Variants in SLC22A23 observed in about 807,000 individuals in gnomAD.
SLC22A23 encodes the protein ion transporter protein.
In SLC22A23, 26 loss-of-function variants were observed where a neutral mutation model predicts 61.0. That is an observed-to-expected ratio of 0.43 (90% CI 0.31 to 0.59). SLC22A23 has a LOEUF of 0.59. SLC22A23 is among the 20% of genes least tolerant of loss of function. The pLI is 0.11. For synonymous variants in SLC22A23, 430 were observed against 413.9 expected, an observed-to-expected ratio of 1.04 and a Z score of -0.47; for missense variants, 796 against 934.7, an observed-to-expected ratio of 0.85 and a Z score of 1.94.
At chr6:3,326,095 T>C (rs967028342) in intron 3 of SLC22A23, among the ~76,000 whole-genome samples, 1 of 152,246 alleles carries the variant, frequency 6.6e-6, no homozygotes, top group Non-Finnish European at 1.5e-5. Flanking sequence ...ATGAGGCCAC[T>C]TCCCAGACCA....
At chr6:3,368,286 C>T (rs1216810381) in intron 3 of SLC22A23, among the ~76,000 whole-genome samples, 1 of 152,242 alleles carries the variant, frequency 6.6e-6, no homozygotes, top group Non-Finnish European at 1.5e-5. Context: ...CCGCGAGGCC[C>T]TTGCACCCCA....
At chr6:3,356,780 C>T (rs1423803456) in intron 3 of SLC22A23, among the ~76,000 whole-genome samples, 2 of 152,136 alleles carry the variant, frequency 1.3e-5, no homozygotes, top group East Asian at 3.9e-4. Context: ...CGCTCAAGCC[C>T]TTCAGAGCAT....
chr6:3,365,411 T>C (rs1674293356), intron 3 of SLC22A23, among the ~76,000 whole-genome samples: 1 of 151,956 alleles, frequency 6.6e-6, no homozygotes, highest in Non-Finnish European at 1.5e-5. Context: ...AACACAGGAG[T>C]AGACTACAGT....
rs140607635 is a variant in SLC22A23, at chr6:3,399,190, T to C, written c.913+10998A>G. On this transcript the variant is annotated intron_variant, in intron 3 of 9. Coordinates refer to ENST00000406686, the MANE Select transcript of SLC22A23 (RefSeq NM_015482.2). ...AGGCCTGGCGGCTGGACTTGGGAAG[T>C]TGTTCACCATGCAGAGGAAACGCCT... Among the ~76,000 whole-genome samples, 9 of 152,198 alleles carry C rather than the reference T, an allele frequency of 5.9e-5. No homozygotes were observed. The East Asian group carries it at 1.7e-3, about 29-fold the overall frequency.
intron 3 of SLC22A23, among the ~76,000 whole-genome samples, chr6:3,397,169 A>G (rs1321167008): frequency 6.6e-6 from 1 of 152,200 alleles, no homozygotes; most frequent in Non-Finnish European, 1.5e-5. Flanking sequence ...TGCAAGGGGG[A>G]CAAGGGAACT....
chr6:3,418,818 G>A (rs539659213), intron 1 of SLC22A23, among the ~76,000 whole-genome samples: 38 of 152,324 alleles, frequency 2.5e-4, no homozygotes, highest in South Asian at 2.1e-3. Context: ...CTGCAACACC[G>A]CCCTTGCCAT....
At position 3,308,286 on chromosome 6, in the gene SLC22A23, G is replaced by A. The variant is rs1188450562; in HGVS notation, c.1083-10068C>T. ...CCAGTGCCCCTGCACTCACCCTCCC[G>A]TCCTCCAGGGCTAAGCCCTCCCTGG... On this transcript the variant is annotated intron_variant, in intron 4 of 9. Coordinates refer to ENST00000406686, the MANE Select transcript of SLC22A23 (RefSeq NM_015482.2). This position sits in a 1 kb window ranked among gnomAD's most constrained non-coding sequence, Gnocchi z 5.1. Among the ~76,000 whole-genome samples the A allele has an allele frequency of 6.6e-6, 1 of 152,020 alleles. No individual in the cohort carries two copies. Among genetic ancestry groups the A allele is most frequent in the Non-Finnish European group, 1.5e-5 (1 of 68,000 alleles).
chr6:3,284,805 G>T (rs909156650), intron 8 of SLC22A23: 51 of 1,152,728 alleles, frequency 4.4e-5, no homozygotes, highest in Non-Finnish European at 6.3e-5. Flanking sequence ...CCGGGCCAGG[G>T]CCTGTGCTGA....
Position 3,273,158 on chromosome 6 carries a change from A to G in SLC22A23, c.1958T>C (p.Leu653Pro). The change falls in exon 10 of 10, where the codon CTC (leucine) becomes CCC (proline). Residue 653 changes from leucine to proline, a missense_variant. Coordinates refer to ENST00000406686, the MANE Select transcript of SLC22A23 (RefSeq NM_015482.2). ...GTAGTCCTTGAGCTCGGCGTTGGTGAGCAGCAGTGGCTGCTCCCCCTTCTT... is the reference window on the plus strand; with the variant it reads ...GTAGTCCTTGAGCTCGGCGTTGGTGGGCAGCAGTGGCTGCTCCCCCTTCTT... Reference protein sequence around the residue: ...PHKKGEQPLLLTNAELKDYSG... With the variant: ...PHKKGEQPLLPTNAELKDYSG... 1 of 1,611,198 alleles carries G rather than the reference A, an allele frequency of 6.2e-7. No homozygotes were observed. Among genetic ancestry groups the G allele is most frequent in the Non-Finnish European group, 8.5e-7 (1 of 1,179,356 alleles).
At chr6:3,391,963 A>ACTAAG (rs1341198614) in intron 3 of SLC22A23, among the ~76,000 whole-genome samples, 135 of 152,296 alleles carry the variant, frequency 8.9e-4, no homozygotes, top group African/African-American at 3.1e-3. Flanking sequence ...ACACAGTGCA[A>ACTAAG]GATCAAAGGG....
At chr6:3,397,015 C>T (rs1182617262) in intron 3 of SLC22A23, among the ~76,000 whole-genome samples, 2 of 152,054 alleles carry the variant, frequency 1.3e-5, no homozygotes, top group Admixed American at 6.5e-5. Context: ...GTCACGCACG[C>T]CCACCGGGGC....
intron 6 of SLC22A23, 83 bp downstream of exon 6, chr6:3,289,681 G>T: frequency 8.9e-7 from 1 of 1,125,960 alleles, no homozygotes. Context: ...GCGGGGTGGG[G>T]AGCAGGGCCC....
In SLC22A23 at chr6:3,328,411, C is replaced by G. The variant is rs1763396161; in HGVS notation, c.914-4409G>C. Among the ~76,000 whole-genome samples, 4 of 152,080 alleles carry G rather than the reference C, an allele frequency of 2.6e-5. No homozygotes were observed. The highest frequency in any genetic ancestry group is 7.2e-5 in the African/African-American group (3 of 41,384). ...AGGAGGAAAAGCACATTGCGCTTCC[C>G]AGGGTAGACACTTTATGTGACGGAG... is the stretch of plus-strand genomic sequence containing the variant. On this transcript the variant is annotated intron_variant, in intron 3 of 9. Transcript: ENST00000406686. The surrounding 1 kb of genome is among the most constrained non-coding windows in gnomAD (Gnocchi z 5.0).
intron 1 of SLC22A23, among the ~76,000 whole-genome samples, chr6:3,436,260 C>T (rs1002633303): frequency 1.3e-5 from 2 of 151,972 alleles, no homozygotes; most frequent in Admixed American, 1.3e-4. Context: ...CTCAGCCTCC[C>T]GGGTAGCTGG....
At chr6:3,310,267 C>T (rs569451705) in intron 4 of SLC22A23, among the ~76,000 whole-genome samples, 4 of 151,466 alleles carry the variant, frequency 2.6e-5, no homozygotes, top group Middle Eastern at 3.4e-3. Flanking sequence ...CCCTGTCTCC[C>T]ACTGGAGCAC....
chr6:3,452,476 G>A (rs892898071), intron 1 of SLC22A23, among the ~76,000 whole-genome samples: 1 of 151,876 alleles, frequency 6.6e-6, no homozygotes, highest in Non-Finnish European at 1.5e-5. Context: ...GTGCATGCCT[G>A]TAGTCCCAGC....
At chr6:3,287,712 C>T (rs944265985) in intron 6 of SLC22A23, among the ~76,000 whole-genome samples, 7 of 151,124 alleles carry the variant, frequency 4.6e-5, no homozygotes, top group African/African-American at 7.3e-5. Flanking sequence ...TGAGTAGAGC[C>T]GTGTTCTGCT....
intron 2 of SLC22A23, among the ~76,000 whole-genome samples, chr6:3,415,462 C>T (rs1003225596): frequency 1.3e-5 from 2 of 152,200 alleles, no homozygotes; most frequent in Non-Finnish European, 2.9e-5. Context: ...AGTCTTCAAG[C>T]TCTTTCTAAT....
chr6:3,317,907 C>T lies in SLC22A23; in HGVS notation c.1082+5927G>A. 6.6e-6 allele frequency among the ~76,000 whole-genome samples: 1 copy of T among 152,158 alleles called. No individual in the cohort carries two copies. The highest frequency in any genetic ancestry group is 1.5e-5 in the Non-Finnish European group (1 of 68,036). ...AAAGCCCAGCCGATCCTGCCATGGC[C>T]CAGAAGGCTCAACATATTATAAGCA... is the stretch of plus-strand genomic sequence containing the variant. On this transcript the variant is annotated intron_variant, in intron 4 of 9. Transcript: ENST00000406686. This position sits in a 1 kb window ranked among gnomAD's most constrained non-coding sequence, Gnocchi z 4.4.
Sources: gnomAD v4.1 joint callset for allele counts (sites outside exome capture counted in the v4.1 genomes callset) on GRCh38, gnomAD v4.1.1 for gene constraint, Gnocchi (gnomAD v3.1) non-coding constraint, MANE v1.5 for transcripts, NCBI Gene and HGNC (gene_info 2026-07-23, HGNC 2026-07-21) for gene names.